Variants in GPC6 observed in about 807,000 individuals in gnomAD.
The protein encoded by GPC6 is glypican 6.
In GPC6, 14 loss-of-function variants were observed where a neutral mutation model predicts 55.2. The observed-to-expected ratio is 0.25, with a 90% CI of 0.17 to 0.40. The LOEUF is 0.40. GPC6 is among the 10% of genes least tolerant of loss of function. The pLI is 1.00. For synonymous variants in GPC6, 278 were observed against 259.6 expected (o/e 1.07, Z -0.68); for missense variants, 641 against 708.5 (o/e 0.90, Z 1.08).
rs115190080 is a variant in GPC6, at chr13:94,324,426, C to G, written c.1152+18303C>G. Among the ~76,000 whole-genome samples the G allele has an allele frequency of 5.4e-3, 825 of 151,918 alleles. 9 individuals are homozygous for G. Among genetic ancestry groups the G allele is most frequent in the African/African-American group, 0.018 (757 of 41,406 alleles). On this transcript the variant is annotated intron_variant, in intron 6 of 8. Coordinates refer to ENST00000377047, the MANE Select transcript of GPC6 (RefSeq NM_005708.5). ...TGAAGGTGAACAGCATTTGAAATAG[C>G]CTTTTTAAAAAAACTCCCTTGAAGG...
chr13:93,630,195 T>G (rs918499250), intron 2 of GPC6, among the ~76,000 whole-genome samples: 1 of 152,194 alleles, frequency 6.6e-6, no homozygotes, highest in African/African-American at 2.4e-5. Context: ...CTCAAGAGAC[T>G]TAGTATTAGG....
chr13:93,854,190 C>T (rs544021861), intron 3 of GPC6, among the ~76,000 whole-genome samples: 2 of 151,722 alleles, frequency 1.3e-5, no homozygotes, highest in South Asian at 4.2e-4. Context: ...CAGAGATTTT[C>T]CTGATGATAT....
chr13:94,128,161 T>A (rs755619661), intron 4 of GPC6, among the ~76,000 whole-genome samples: 1 of 152,194 alleles, frequency 6.6e-6, no homozygotes, highest in Non-Finnish European at 1.5e-5. Flanking sequence ...GGAAACACTT[T>A]AGACTTTTGA....
intron 4 of GPC6, among the ~76,000 whole-genome samples, chr13:94,051,176 A>G (rs777655318): frequency 7.2e-5 from 11 of 152,154 alleles, no homozygotes; most frequent in Non-Finnish European, 1.3e-4. Flanking sequence ...GAAAGTCTTC[A>G]TAAGCTGCTT....
At chr13:94,144,406 C>CAT (rs1887489088) in intron 4 of GPC6, among the ~76,000 whole-genome samples, 1 of 12,002 alleles carries the variant, frequency 8.3e-5, no homozygotes, top group South Asian at 2.2e-3. Flanking sequence ...GCTTTTAAAA[C>CAT]ACACACACAC....
At chr13:93,622,828 A>T (rs1879015137) in intron 2 of GPC6, among the ~76,000 whole-genome samples, 1 of 152,154 alleles carries the variant, frequency 6.6e-6, no homozygotes, top group Non-Finnish European at 1.5e-5. Context: ...CAGTCACCTT[A>T]CTGTGAAATA....
At chr13:93,299,688 T>G (rs528927738) in intron 1 of GPC6, among the ~76,000 whole-genome samples, 1 of 152,368 alleles carries the variant, frequency 6.6e-6, no homozygotes, top group South Asian at 2.1e-4. Context: ...CAAACTCACA[T>G]AGCTATTTTA....
chr13:94,399,768 G>A (rs1383283728), intron 8 of GPC6, among the ~76,000 whole-genome samples: 1 of 152,130 alleles, frequency 6.6e-6, no homozygotes, highest in Non-Finnish European at 1.5e-5. Flanking sequence ...TGGACGTTAT[G>A]GCTGTAAAAT....
chr13:93,451,168 A>C (rs1382047326), intron 1 of GPC6, among the ~76,000 whole-genome samples: 1 of 152,232 alleles, frequency 6.6e-6, no homozygotes. Flanking sequence ...TGTGGAGAGG[A>C]CCAGGTTATT....
At chr13:94,125,721 CTT>C (rs5805850) in intron 4 of GPC6, among the ~76,000 whole-genome samples, 1,567 of 146,380 alleles carry the variant, frequency 0.011, 17 homozygotes, top group Middle Eastern at 0.032. Flanking sequence ...AATTTCTTGC[CTT>C]TTTTTTTTTT....
At chr13:93,834,537 A>G (rs947388935) in intron 3 of GPC6, among the ~76,000 whole-genome samples, 2 of 152,178 alleles carry the variant, frequency 1.3e-5, no homozygotes, top group African/African-American at 4.8e-5. Context: ...ATCTAAAGTT[A>G]TCAATAACAT....
At chr13:93,941,896 A>G (rs949859825) in intron 3 of GPC6, among the ~76,000 whole-genome samples, 1 of 152,168 alleles carries the variant, frequency 6.6e-6, no homozygotes, top group African/African-American at 2.4e-5. Flanking sequence ...AATATACGTA[A>G]CTTTCCTATG....
chr13:93,504,499 TCTGC>T (rs1880637136), intron 1 of GPC6, among the ~76,000 whole-genome samples: 1 of 151,000 alleles, frequency 6.6e-6, no homozygotes, highest in South Asian at 2.1e-4. Context: ...TTTTTTTTTT[TCTGC>T]TTTCCCTCAC....
chr13:93,661,431 C>G (rs560239893), intron 2 of GPC6, among the ~76,000 whole-genome samples: 1 of 152,118 alleles, frequency 6.6e-6, no homozygotes, highest in Non-Finnish European at 1.5e-5. Flanking sequence ...CCAGGCTGGT[C>G]TTGAATCCCT....
At chr13:93,669,170 C>G (rs1881262172) in intron 2 of GPC6, among the ~76,000 whole-genome samples, 1 of 152,088 alleles carries the variant, frequency 6.6e-6, no homozygotes, top group African/African-American at 2.4e-5. Context: ...GTAGCTTGCC[C>G]CAGTGCCACC....
intron 3 of GPC6, among the ~76,000 whole-genome samples, chr13:93,927,868 T>C (rs1285821890): frequency 6.6e-6 from 1 of 152,172 alleles, no homozygotes; most frequent in Non-Finnish European, 1.5e-5. Flanking sequence ...ATAAATGAAC[T>C]GTGAGTCTTA....
At chr13:93,349,557 G>C (rs1880556179) in intron 1 of GPC6, among the ~76,000 whole-genome samples, 1 of 152,084 alleles carries the variant, frequency 6.6e-6, no homozygotes, top group Admixed American at 6.5e-5. Flanking sequence ...ATCCGATCTG[G>C]AGATATACCA....
the GPC6 span, among the ~76,000 whole-genome samples, chr13:93,218,511 T>C: frequency 6.6e-6 from 1 of 152,226 alleles, no homozygotes; most frequent in Admixed American, 6.5e-5. Context: ...TTATGCAGGC[T>C]GTAAACCCAG....
At chr13:93,574,422 G>T (rs904293937) in intron 2 of GPC6, among the ~76,000 whole-genome samples, 1 of 152,116 alleles carries the variant, frequency 6.6e-6, no homozygotes, top group Non-Finnish European at 1.5e-5. Context: ...CTAGGCAGAA[G>T]GGGGGAAGGA....
Sources: allele counts gnomAD v4.1 joint callset (sites outside exome capture counted in the v4.1 genomes callset), GRCh38; gene constraint gnomAD v4.1.1; transcripts MANE v1.5; gene names NCBI Gene and HGNC (gene_info 2026-07-23, HGNC 2026-07-21).